The following TENM4 variants were observed in gnomAD, a reference collection of about 807,000 sequenced individuals.
TENM4 encodes the protein teneurin transmembrane protein 4.
A neutral mutation model predicts 243.3 loss-of-function variants in TENM4; 82 were observed. The ratio of observed to expected loss-of-function variants is 0.34; its 90% CI spans 0.28 to 0.40. The LOEUF (loss-of-function observed/expected upper bound fraction) is 0.40. Ranked by LOEUF, TENM4 falls within the 10% of genes least tolerant of loss-of-function variation. The pLI, the probability that TENM4 is intolerant of heterozygous loss-of-function variation, is 1.00. For synonymous variants in TENM4, 1,412 were observed against 1,456.3 expected, an observed-to-expected ratio of 0.97 and a Z score of 0.69; for missense variants, 3,138 against 3,673.3, an observed-to-expected ratio of 0.85 and a Z score of 3.77.
chr11:78,973,069 T>A (rs1216018470), intron 6 of TENM4, among the ~76,000 whole-genome samples: 1 of 152,256 alleles, frequency 6.6e-6, no homozygotes, highest in African/African-American at 2.4e-5. Flanking sequence ...CATTTTGTTA[T>A]CCATTATGAA....
intron 6 of TENM4, among the ~76,000 whole-genome samples, chr11:79,052,042 T>C (rs1859808017): frequency 1.3e-5 from 2 of 152,266 alleles, no homozygotes; most frequent in South Asian, 4.1e-4. Flanking sequence ...TTTAGGTTGA[T>C]TCCATGTTTT....
At chr11:79,049,269 C>A (rs1560994) in intron 6 of TENM4, among the ~76,000 whole-genome samples, 1 of 152,130 alleles carries the variant, frequency 6.6e-6, no homozygotes, top group African/African-American at 2.4e-5. Flanking sequence ...GGACACGGCT[C>A]TTCCCCCCTA....
intron 3 of TENM4, among the ~76,000 whole-genome samples, chr11:79,151,030 C>T (rs893825271): frequency 6.6e-6 from 1 of 152,100 alleles, no homozygotes; most frequent in Non-Finnish European, 1.5e-5. Context: ...GGATTCAAAC[C>T]GCAGTCCATC....
At chr11:79,122,584 T>C (rs1345881558) in intron 4 of TENM4, among the ~76,000 whole-genome samples, 1 of 152,108 alleles carries the variant, frequency 6.6e-6, no homozygotes, top group Non-Finnish European at 1.5e-5. Flanking sequence ...TGACTGGATA[T>C]GGGGTCATGA....
rs1863446509 is a variant in TENM4, at chr11:79,189,897, A to G, written c.-163+25911T>C. 8.5e-5 allele frequency among the ~76,000 whole-genome samples: 13 copies of G among 152,240 alleles called. 1 individual carries two copies. The South Asian group carries it at 2.3e-3, about 27-fold the overall frequency. ...CACTCCTGTTGTCAGATCACAGAGC[A>G]CTCTGGGATCTCTACGCCACTGACG... On this transcript the variant is annotated intron_variant, in intron 3 of 33. Coordinates refer to ENST00000278550, the MANE Select transcript of TENM4 (RefSeq NM_001098816.3).
At chr11:79,066,686 A>G (rs564219766) in intron 5 of TENM4, among the ~76,000 whole-genome samples, 3 of 151,236 alleles carry the variant, frequency 2.0e-5, no homozygotes, top group East Asian at 1.9e-4. Flanking sequence ...ACACGCACGC[A>G]TGCACACTCG....
At chr11:78,859,551 C>A (rs1591077156) in intron 10 of TENM4, among the ~76,000 whole-genome samples, 1 of 152,326 alleles carries the variant, frequency 6.6e-6, no homozygotes, top group East Asian at 1.9e-4. Flanking sequence ...TTTGGAAGAA[C>A]TGAAATTTCA....
At chr11:79,402,801 C>T (rs1028074514) in intron 1 of TENM4, among the ~76,000 whole-genome samples, 3 of 152,206 alleles carry the variant, frequency 2.0e-5, no homozygotes, top group Non-Finnish European at 2.9e-5. Context: ...ACAAAGTATG[C>T]AAACATGAAG....
chr11:78,837,709 C>T (rs1030767121), intron 12 of TENM4, among the ~76,000 whole-genome samples: 3 of 152,196 alleles, frequency 2.0e-5, no homozygotes, highest in African/African-American at 7.2e-5. Flanking sequence ...GTTATTAATA[C>T]ACATGTTTAT....
intron 6 of TENM4, among the ~76,000 whole-genome samples, chr11:78,945,570 TTAAATC>T (rs896996816): frequency 2.0e-5 from 3 of 152,174 alleles, no homozygotes; most frequent in African/African-American, 7.2e-5. Flanking sequence ...GCCTCTCACT[TTAAATC>T]TAAAGCTAGA....
chr11:78,722,642 T>C, intron 24 of TENM4, 26 bp downstream of exon 24: 1 of 1,602,688 alleles, frequency 6.2e-7, no homozygotes, highest in Non-Finnish European at 8.5e-7. Context: ...TATTAGGAAC[T>C]ATGAAGAAAG....
intron 1 of TENM4, among the ~76,000 whole-genome samples, chr11:79,308,493 C>T (rs1239019598): frequency 6.6e-6 from 1 of 152,186 alleles, no homozygotes; most frequent in African/African-American, 2.4e-5. Context: ...CTGATTCCTC[C>T]TGGTAACAAA....
At chr11:79,166,804 T>C (rs1284708957) in intron 3 of TENM4, among the ~76,000 whole-genome samples, 1 of 152,102 alleles carries the variant, frequency 6.6e-6, no homozygotes, top group Non-Finnish European at 1.5e-5. Flanking sequence ...GCATAGGCAT[T>C]TGCCAGGCAG....
At position 79,427,176 on chromosome 11, in the gene TENM4, AC is replaced by A. The variant is rs1195214055; in HGVS notation, c.-321+13332del. ...GTCAAACTACTACCAGACTAGAGGGACCCTGGTCTTGGTTCCATGCTTCCAC... is the reference window on the plus strand; with the variant it reads ...GTCAAACTACTACCAGACTAGAGGGACCTGGTCTTGGTTCCATGCTTCCAC... On this transcript the variant is annotated intron_variant, in intron 1 of 33. Transcript: ENST00000278550. Among the ~76,000 whole-genome samples, 67 of 152,254 alleles carry A rather than the reference AC, an allele frequency of 4.4e-4. 1 individual carries two copies. The highest frequency in any genetic ancestry group is 1.5e-3 in the African/African-American group (64 of 41,560).
intron 23 of TENM4, 107 bp downstream of exon 23, chr11:78,725,972 G>A: frequency 6.9e-7 from 1 of 1,452,040 alleles, no homozygotes; most frequent in East Asian, 2.3e-5. Flanking sequence ...TGACCACATA[G>A]GAGCCTATGG....
At chr11:79,363,972 C>A (rs918833983) in intron 1 of TENM4, among the ~76,000 whole-genome samples, 1 of 152,132 alleles carries the variant, frequency 6.6e-6, no homozygotes, top group African/African-American at 2.4e-5. Flanking sequence ...TGGGTCTGGT[C>A]CTTCAACTTA....
intron 7 of TENM4, among the ~76,000 whole-genome samples, chr11:78,893,798 C>T (rs1422864553): frequency 2.0e-5 from 3 of 151,612 alleles, no homozygotes; most frequent in African/African-American, 7.3e-5. Context: ...CACACACACA[C>T]ACTCCTCTCT....
intron 6 of TENM4, among the ~76,000 whole-genome samples, chr11:78,970,606 AAAGC>A (rs1202264066): frequency 6.6e-6 from 1 of 152,196 alleles, no homozygotes; most frequent in Non-Finnish European, 1.5e-5. Context: ...GCAGGTCAAC[AAAGC>A]AGTCCAAGAT....
intron 4 of TENM4, among the ~76,000 whole-genome samples, chr11:79,110,394 A>G (rs1861477467): frequency 6.6e-6 from 1 of 152,144 alleles, no homozygotes; most frequent in Non-Finnish European, 1.5e-5. Flanking sequence ...AATGGCACTC[A>G]CAGCACCCTG....
Sources: allele counts gnomAD v4.1 joint callset (sites outside exome capture counted in the v4.1 genomes callset), GRCh38; gene constraint gnomAD v4.1.1; transcripts MANE v1.5; gene names NCBI Gene and HGNC (gene_info 2026-07-23, HGNC 2026-07-21).